Variants in VANGL1 observed in about 807,000 individuals in gnomAD.
VANGL1 encodes the protein VANGL planar cell polarity protein 1, also known as vang-like protein 1.
In VANGL1, 18 loss-of-function variants were observed where a neutral mutation model predicts 48.4. The observed-to-expected ratio is 0.37, with a 90% CI of 0.26 to 0.55. The LOEUF is 0.55. Among genes scored for constraint, VANGL1 ranks in the 20% least tolerant of loss-of-function variants. The pLI, the probability that VANGL1 is intolerant of heterozygous loss-of-function variation, is 0.81. For missense variants in VANGL1, 667 were observed against 675.8 expected (o/e 0.99, Z 0.14); for synonymous variants, 257 against 261.8 (o/e 0.98, Z 0.18).
chr1:115,666,643 C>T (rs1238537662), intron 4 of VANGL1, among the ~76,000 whole-genome samples: 2 of 152,212 alleles, frequency 1.3e-5, no homozygotes, highest in Non-Finnish European at 2.9e-5. Context: ...CCCATCTGCC[C>T]TGGGGAGAGC....
intron 2 of VANGL1, among the ~76,000 whole-genome samples, chr1:115,651,825 C>T (rs568134980): frequency 1.2e-3 from 185 of 151,756 alleles, no homozygotes; most frequent in African/African-American, 4.1e-3. Flanking sequence ...GGTGCCATCT[C>T]GGCTCACTGC....
At chr1:115,651,673 A>G (rs906416823) in intron 2 of VANGL1, among the ~76,000 whole-genome samples, 189 bp downstream of exon 2, 17 of 152,188 alleles carry the variant, frequency 1.1e-4, no homozygotes, top group African/African-American at 3.6e-4. Context: ...TATAGCCACC[A>G]TTAGAGTTGA....
chr1:115,673,223 C>T (rs1045802931), intron 4 of VANGL1, among the ~76,000 whole-genome samples: 2 of 152,168 alleles, frequency 1.3e-5, no homozygotes, highest in Non-Finnish European at 2.9e-5. Flanking sequence ...CCTCCTTCCT[C>T]CCGTTCTCTC....
rs1454742617 is a variant in VANGL1 at position 115,693,639 on chromosome 1, G to T, written c.*2260G>T. On this transcript the variant is annotated 3_prime_UTR_variant, in exon 8 of 8. Transcript: ENST00000355485. ...GTATTGATTTTTTTATATTGACTTT[G>T]TATTGAGTTCTTTTTGAAAGAATAA... 2 of 152,074 alleles carry T rather than the reference G, an allele frequency of 1.3e-5. No homozygotes were observed. The highest frequency in any genetic ancestry group is 4.8e-5 in the African/African-American group (2 of 41,416). 9.4% of individuals were successfully genotyped at this position (152,074 alleles called of 1,614,324 possible).
chr1:115,645,796 A>C (rs1240018519), intron 1 of VANGL1, among the ~76,000 whole-genome samples: 2 of 152,244 alleles, frequency 1.3e-5, no homozygotes, highest in East Asian at 1.9e-4. Context: ...AATAATATAC[A>C]CAGCATATAT....
At chr1:115,665,783 G>A (rs900247626) in intron 4 of VANGL1, among the ~76,000 whole-genome samples, 6 of 152,188 alleles carry the variant, frequency 3.9e-5, no homozygotes, top group Admixed American at 6.5e-5. Context: ...CATCTCAGAA[G>A]GCTTTCTTTT....
rs199910559 is a variant in VANGL1, at chr1:115,681,505, T to TG, written c.813-859_813-858insG. ...GCGGAGGCTCTCTTTTTTTTGTTGT[T>TG]TTTTTTGTTTTTTTTTTTGAGACTG... On this transcript the variant is annotated intron_variant, in intron 4 of 7. Transcript: ENST00000355485. Among the ~76,000 whole-genome samples, 154 of 77,770 alleles carry TG rather than the reference T, an allele frequency of 2.0e-3. 7 individuals are homozygous for TG. The highest frequency in any genetic ancestry group is 7.8e-3 in the Middle Eastern group (1 of 128). The allele number at this position is 77,770 out of a possible 152,430, so 51.0% of individuals were successfully genotyped here.
chr1:115,680,031 G>GT lies in VANGL1; in HGVS notation c.813-2333_813-2332insT, dbSNP rs1557773486. On this transcript the variant is annotated intron_variant, in intron 4 of 7. Coordinates refer to ENST00000355485, the MANE Select transcript of VANGL1 (RefSeq NM_138959.3). ...TGTGTGTGTGTGTGTGTATGTGAGA[G>GT]AGAGAGAGAGAGAGATCAGGGAGAG... Among the ~76,000 whole-genome samples the GT allele has an allele frequency of 8.1e-3, 1,164 of 143,794 alleles. 6 individuals carry two copies. Among genetic ancestry groups the GT allele is most frequent in the East Asian group, 0.045 (215 of 4,758 alleles). The allele number at this position is 143,794 out of a possible 152,430, so 94.3% of individuals were successfully genotyped here.
rs1053897314 is a variant in VANGL1 at position 115,687,538 on chromosome 1, C to A, written c.1314+2011C>A. The stretch of plus-strand genomic sequence containing the variant: ...TAATAGCTGTTTTTGGTATAGAAAT[C>A]CAAACATTAAAGAAAAGTATCATGC... On this transcript the variant is annotated intron_variant, in intron 7 of 7. Transcript: ENST00000355485. Among the ~76,000 whole-genome samples the A allele has an allele frequency of 8.7e-5, 12 of 138,074 alleles. 3 individuals carry two copies. The highest frequency in any genetic ancestry group is 3.0e-4 in the African/African-American group (11 of 36,752). 90.6% of individuals were successfully genotyped at this position (138,074 alleles called of 152,430 possible). A position where few individuals can be genotyped will look rare whatever the true frequency, so the allele number is the denominator to read the frequency against.
intron 3 of VANGL1, among the ~76,000 whole-genome samples, chr1:115,662,058 A>G (rs569990506): frequency 7.0e-4 from 106 of 152,354 alleles, no homozygotes; most frequent in African/African-American, 2.4e-3. Context: ...TTCCACCAGC[A>G]GTGTTGGAGA....
At chr1:115,652,822 A>C (rs1040316101) in intron 2 of VANGL1, among the ~76,000 whole-genome samples, 1 of 152,254 alleles carries the variant, frequency 6.6e-6, no homozygotes, top group Non-Finnish European at 1.5e-5. Context: ...GTGACCTCCC[A>C]AGCTGCCAGG....
intron 4 of VANGL1, among the ~76,000 whole-genome samples, chr1:115,669,421 A>G (rs1652896897): frequency 6.6e-6 from 1 of 152,212 alleles, no homozygotes; most frequent in Non-Finnish European, 1.5e-5. Context: ...GACACTGACC[A>G]TAGACCTTGA....
chr1:115,680,019 GTGT>G (rs59005763), intron 4 of VANGL1, among the ~76,000 whole-genome samples: 27,427 of 94,280 alleles, frequency 0.29, 2,633 homozygotes, highest in South Asian at 0.39. Context: ...GTGTGTGTGT[GTGT>G]ATGTGAGAGA....
chr1:115,686,500 T>C (rs1229584810), intron 7 of VANGL1, among the ~76,000 whole-genome samples: 4 of 151,870 alleles, frequency 2.6e-5, no homozygotes, highest in Non-Finnish European at 5.9e-5. Context: ...ATGTATCTAA[T>C]AGAGAGTTGT....
chr1:115,657,198 C>T (rs1012326894), intron 2 of VANGL1, among the ~76,000 whole-genome samples: 6 of 152,218 alleles, frequency 3.9e-5, no homozygotes, highest in African/African-American at 9.6e-5. Context: ...TCTAAGGTCA[C>T]GGTCCAATTG....
At chr1:115,678,305 A>T (rs4839471) in intron 4 of VANGL1, among the ~76,000 whole-genome samples, 2 of 151,968 alleles carry the variant, frequency 1.3e-5, no homozygotes, top group Non-Finnish European at 2.9e-5. Context: ...CCATATTTGG[A>T]GGGTGGAGAG....
In VANGL1 at chr1:115,646,252, A is replaced by G. The variant is rs143466371; in HGVS notation, c.-138+4166A>G. ...CCACTTAGAAGCACTCTGTGCACCT[A>G]TCTCCCATTGTTGACCTTGCCTGCA... is the stretch of plus-strand genomic sequence containing the variant. On this transcript the variant is annotated intron_variant, in intron 1 of 7. Transcript: ENST00000355485. Among the ~76,000 whole-genome samples, 348 of 152,282 alleles carry G rather than the reference A, an allele frequency of 2.3e-3. 11 individuals are homozygous for G. Among genetic ancestry groups the G allele is most frequent in the Admixed American group, 0.022 (332 of 15,290 alleles).
chr1:115,675,281 C>A (rs187133575), intron 4 of VANGL1, among the ~76,000 whole-genome samples: 143 of 152,234 alleles, frequency 9.4e-4, no homozygotes, highest in African/African-American at 3.4e-3. Flanking sequence ...ATGGATGGAT[C>A]CCTTAAGGCC....
chr1:115,683,734 T>G (rs1197117192), intron 5 of VANGL1, among the ~76,000 whole-genome samples: 1 of 152,200 alleles, frequency 6.6e-6, no homozygotes. Flanking sequence ...AGATTGGGGT[T>G]TAGGGAGATT....
Sources: gnomAD v4.1 joint callset for allele counts (sites outside exome capture counted in the v4.1 genomes callset) on GRCh38, gnomAD v4.1.1 for gene constraint, MANE v1.5 for transcripts, NCBI Gene and HGNC (gene_info 2026-07-23, HGNC 2026-07-21) for gene names.